The following KATNAL1 variants were observed in gnomAD, a reference collection of about 807,000 sequenced individuals.
KATNAL1 encodes the protein katanin catalytic subunit A1 like 1, also known as katanin p60 ATPase-containing subunit A-like 1.
Under a neutral mutation model 55.2 loss-of-function variants are expected in KATNAL1, and 32 were observed. The observed-to-expected ratio is 0.58, with a 90% CI of 0.44 to 0.78. The LOEUF is 0.78. Among genes scored for constraint, KATNAL1 ranks in the 30% least tolerant of loss-of-function variants. KATNAL1 has a pLI of 0.00. For synonymous variants in KATNAL1, 193 were observed against 193.6 expected, an observed-to-expected ratio of 1.00 and a Z score of 0.02; for missense variants, 466 against 600.9, an observed-to-expected ratio of 0.78 and a Z score of 2.35.
chr13:30,294,848 C>A (rs1483081358), intron 1 of KATNAL1, among the ~76,000 whole-genome samples: 1 of 152,180 alleles, frequency 6.6e-6, no homozygotes, highest in African/African-American at 2.4e-5. Context: ...ATATGAAGAT[C>A]CTAGGGCCCT....
chr13:30,230,425 T>C (rs370675138), intron 8 of KATNAL1, 43 bp downstream of exon 8: 2 of 1,575,788 alleles, frequency 1.3e-6, no homozygotes, highest in African/African-American at 2.7e-5. Context: ...ACACAAAATA[T>C]TTAAAAATGA....
At chr13:30,238,257 T>C (rs190027762) in intron 6 of KATNAL1, among the ~76,000 whole-genome samples, 11 of 152,342 alleles carry the variant, frequency 7.2e-5, no homozygotes, top group African/African-American at 2.6e-4. Context: ...TTCTAAGGCC[T>C]CATTAATTCA....
intron 4 of KATNAL1, among the ~76,000 whole-genome samples, chr13:30,253,314 T>C (rs1878503817): frequency 6.6e-6 from 1 of 152,124 alleles, no homozygotes; most frequent in South Asian, 2.1e-4. Context: ...AACTGCGGAG[T>C]TCTTTTCTTT....
intron 3 of KATNAL1, among the ~76,000 whole-genome samples, chr13:30,263,478 C>A (rs1430714683): frequency 8.6e-5 from 13 of 151,634 alleles, no homozygotes; most frequent in Non-Finnish European, 1.9e-4. Context: ...ACCCCATCGT[C>A]TCAGCCCAAA....
At chr13:30,218,545 C>A (rs772989969) in intron 9 of KATNAL1, among the ~76,000 whole-genome samples, 1 of 152,154 alleles carries the variant, frequency 6.6e-6, no homozygotes, top group African/African-American at 2.4e-5. Context: ...TGTGATCCTA[C>A]CACTCCCCAA....
intron 1 of KATNAL1, among the ~76,000 whole-genome samples, chr13:30,303,451 G>A (rs1179079714): frequency 2.0e-5 from 3 of 152,188 alleles, no homozygotes; most frequent in South Asian, 4.1e-4. Context: ...TGAAATCCCA[G>A]CCACTGGGGA....
intron 9 of KATNAL1, among the ~76,000 whole-genome samples, chr13:30,212,090 C>A (rs1192600621): frequency 6.6e-6 from 1 of 152,088 alleles, no homozygotes; most frequent in Admixed American, 6.5e-5. Flanking sequence ...CATCTAAATG[C>A]AAAGTTGTAA....
chr13:30,299,539 T>A (rs185527800), intron 1 of KATNAL1, among the ~76,000 whole-genome samples: 2 of 152,302 alleles, frequency 1.3e-5, no homozygotes, highest in East Asian at 3.9e-4. Context: ...TTATTTTTAG[T>A]CATAATCTTG....
Position 30,230,541 on chromosome 13 carries a change from G to T in KATNAL1, c.939C>A (p.Cys313Ter), listed in dbSNP as rs762562931. The change falls in exon 8 of 11, where the codon TGC (cysteine) becomes TGA (stop). Residue 313 changes from cysteine (C) to a stop codon, truncating the protein, a stop_gained. Transcript: ENST00000380615. LOFTEE classifies it high-confidence loss of function. ...GTTCATCAGAGGTTCCTCTTCGACT[G>T]CAGATAGAATCTATCTCATCAATGA... Reference protein sequence around the residue: ...TIFIDEIDSICSRRGTSDEHE... With the variant: ...TIFIDEIDSI The T allele has an allele frequency of 4.3e-6, 7 of 1,611,570 alleles. No individual in the cohort carries two copies. The South Asian group carries it at 7.7e-5, about 18-fold the overall frequency.
intron 4 of KATNAL1, among the ~76,000 whole-genome samples, chr13:30,248,416 C>A (rs538471608): frequency 6.6e-6 from 1 of 151,994 alleles, no homozygotes; most frequent in African/African-American, 2.4e-5. Flanking sequence ...AAAAACAAAA[C>A]CCAGCACTAT....
chr13:30,275,023 C>T (rs571922377), intron 3 of KATNAL1, among the ~76,000 whole-genome samples: 1 of 151,770 alleles, frequency 6.6e-6, no homozygotes, highest in African/African-American at 2.4e-5. Flanking sequence ...AGGCCAGATA[C>T]AGAAAGACAC....
At chr13:30,212,633 TA>T (rs2137344376) in intron 9 of KATNAL1, among the ~76,000 whole-genome samples, 2 of 152,350 alleles carry the variant, frequency 1.3e-5, no homozygotes, top group African/African-American at 4.8e-5. Flanking sequence ...TGTGCGGCAC[TA>T]CCTAGCAATT....
At chr13:30,262,144 G>A (rs1593907276) in intron 3 of KATNAL1, among the ~76,000 whole-genome samples, 2 of 151,638 alleles carry the variant, frequency 1.3e-5, no homozygotes, top group East Asian at 3.9e-4. Context: ...AATGAAGGCA[G>A]AAATAAAGAT....
intron 8 of KATNAL1, among the ~76,000 whole-genome samples, chr13:30,227,790 G>A (rs1875660855): frequency 6.6e-6 from 1 of 150,922 alleles, no homozygotes; most frequent in Non-Finnish European, 1.5e-5. Flanking sequence ...GCAACCTAGT[G>A]CAGGATTTTA....
intron 3 of KATNAL1, among the ~76,000 whole-genome samples, chr13:30,277,165 C>T (rs907041474): frequency 6.6e-6 from 1 of 152,144 alleles, no homozygotes; most frequent in African/African-American, 2.4e-5. Context: ...GAAGAATCTG[C>T]AGGGAGAAAA....
chr13:30,280,213 T>A lies in KATNAL1; in HGVS notation c.173A>T (p.Glu58Val). 6.3e-7 allele frequency: 1 copy of A among 1,586,420 alleles called. No homozygotes were observed. The highest frequency in any genetic ancestry group is 8.5e-7 in the Non-Finnish European group (1 of 1,171,142). Residue 58 changes from glutamate to valine, a missense_variant, in exon 3 of 11, where the codon GAA (glutamate) becomes GTA (valine). By Grantham distance (121) the Glu-to-Val change is moderately radical. Coordinates refer to ENST00000380615, the MANE Select transcript of KATNAL1 (RefSeq NM_032116.5). ...AACTTGTTCATATTCCTCCAATAAT[T>A]CCTGCCGAACCTTAAAAAAAAAAAA... ...IKGKWQQVRQ[E>V]LLEEYEQVKS...
chr13:30,209,874 C>T (rs886812509), intron 10 of KATNAL1, among the ~76,000 whole-genome samples: 28 of 152,026 alleles, frequency 1.8e-4, no homozygotes, highest in East Asian at 5.8e-4. Context: ...CTCCACCTCC[C>T]GGGTTCATGC....
intron 1 of KATNAL1, among the ~76,000 whole-genome samples, chr13:30,299,145 G>A (rs1054376196): frequency 5.3e-5 from 8 of 152,040 alleles, no homozygotes; most frequent in African/African-American, 1.9e-4. Context: ...GGGTGTAGGG[G>A]GTTGGCAACC....
At chr13:30,222,385 G>C (rs1209650471) in intron 9 of KATNAL1, among the ~76,000 whole-genome samples, 1 of 152,162 alleles carries the variant, frequency 6.6e-6, no homozygotes, top group African/African-American at 2.4e-5. Context: ...TCAGTGTACA[G>C]ATTTTGGACT....
Sources: allele counts gnomAD v4.1 joint callset (sites outside exome capture counted in the v4.1 genomes callset), GRCh38; gene constraint gnomAD v4.1.1; transcripts MANE v1.5; gene names NCBI Gene and HGNC (gene_info 2026-07-23, HGNC 2026-07-21).